TTC17: variants seen among roughly 807,000 people sequenced by gnomAD.
TTC17 encodes the protein tetratricopeptide repeat protein 17.
A neutral mutation model predicts 143.8 loss-of-function variants in TTC17; 58 were observed. The observed-to-expected ratio is 0.40, with a 90% CI of 0.33 to 0.50. TTC17 has a LOEUF of 0.50. Among genes scored for constraint, TTC17 ranks in the 20% least tolerant of loss-of-function variants. TTC17 has a pLI of 0.49. For missense variants in TTC17, 1,273 were observed against 1,392.5 expected (o/e 0.91, Z 1.37); for synonymous variants, 501 against 497.8 (o/e 1.01, Z -0.09).
At chr11:43,435,597 C>T (rs1339856155) in intron 16 of TTC17, among the ~76,000 whole-genome samples, 1 of 152,210 alleles carries the variant, frequency 6.6e-6, no homozygotes, top group African/African-American at 2.4e-5. Flanking sequence ...ATGACCAGAA[C>T]CTGTTTTCCA....
intron 21 of TTC17, among the ~76,000 whole-genome samples, chr11:43,484,922 G>A (rs372040518): frequency 3.9e-5 from 6 of 152,010 alleles, no homozygotes; most frequent in Middle Eastern, 3.4e-3. Context: ...CTGTACATGC[G>A]AGGGATCTAG....
At chr11:43,444,380 A>G (rs1947492411) in intron 18 of TTC17, 171 bp downstream of exon 18, 2 of 552,478 alleles carry the variant, frequency 3.6e-6, no homozygotes, top group Admixed American at 4.2e-5. Flanking sequence ...TTCAAACTCT[A>G]AAACATTATG....
chr11:43,370,330 T>C (rs1856515045), intron 1 of TTC17: 1 of 219,094 alleles, frequency 4.6e-6, no homozygotes. Flanking sequence ...TCTTAGACAA[T>C]CATTTGATTG....
At position 43,451,272 on chromosome 11, in the gene TTC17, C is replaced by T. The variant is rs759681341; in HGVS notation, c.3030+7C>T. The T allele has an allele frequency of 1.9e-6, 3 of 1,612,526 alleles. No homozygotes were observed. The highest frequency in any genetic ancestry group is 8.5e-7 in the Non-Finnish European group (1 of 1,178,654). On this transcript the variant is annotated splice_region_variant and intron_variant, in intron 21 of 23. Coordinates refer to ENST00000039989, the MANE Select transcript of TTC17 (RefSeq NM_018259.6). ...TGCCAAAGTTTTGGAAAAGGTAAGTCACCCCACAGAAAAGCTGGAAACAAT... is the reference window on the plus strand; with the variant it reads ...TGCCAAAGTTTTGGAAAAGGTAAGTTACCCCACAGAAAAGCTGGAAACAAT...
intron 16 of TTC17, among the ~76,000 whole-genome samples, chr11:43,425,592 G>C (rs1947008804): frequency 1.4e-5 from 2 of 148,128 alleles, no homozygotes; most frequent in Admixed American, 6.8e-5. Flanking sequence ...GTAATCATTA[G>C]AAAAGAGCAT....
rs1402675525 is a variant in TTC17 at position 43,445,813 on chromosome 11, CAAAGTATTAAATAGT to C, written c.2665+1605_2665+1619del. On this transcript the variant is annotated intron_variant, in intron 18 of 23. Coordinates refer to ENST00000039989, the MANE Select transcript of TTC17 (RefSeq NM_018259.6). The stretch of plus-strand genomic sequence containing the variant: ...GATGAATCCTAACCAAGTTATAAAG[CAAAGTATTAAATAGT>C]TTGTGAGCCCATGGGGGAAAAATGG... 3 of 636,842 alleles carry C rather than the reference CAAAGTATTAAATAGT, an allele frequency of 4.7e-6. No homozygotes were observed. In the African/African-American group the frequency reaches 5.4e-5, roughly 12 times the overall value. 39.4% of individuals were successfully genotyped at this position (636,842 alleles called of 1,614,324 possible).
chr11:43,364,003 G>A (rs1029194928), intron 1 of TTC17, among the ~76,000 whole-genome samples: 4 of 146,738 alleles, frequency 2.7e-5, no homozygotes, highest in East Asian at 2.0e-4. Flanking sequence ...TTACTTAATC[G>A]TTTTGTCCCC....
chr11:43,372,843 C>T (rs1017749811), intron 1 of TTC17, among the ~76,000 whole-genome samples: 9 of 151,820 alleles, frequency 5.9e-5, no homozygotes, highest in African/African-American at 1.7e-4. Context: ...GGGAGAATAA[C>T]CAAAAACCTG....
intron 18 of TTC17, chr11:43,445,788 G>A: frequency 1.7e-6 from 1 of 598,590 alleles, no homozygotes; most frequent in Non-Finnish European, 3.0e-6. Flanking sequence ...TCAGCTTCAT[G>A]ATGAATCCTA....
chr11:43,368,275 T>C (rs1856427069), intron 1 of TTC17, among the ~76,000 whole-genome samples: 1 of 152,228 alleles, frequency 6.6e-6, no homozygotes, highest in Non-Finnish European at 1.5e-5. Context: ...TCTCAAATCT[T>C]ACGTGCAGTT....
chr11:43,460,129 C>T (rs1947838423), intron 21 of TTC17, among the ~76,000 whole-genome samples: 1 of 151,682 alleles, frequency 6.6e-6, no homozygotes, highest in Non-Finnish European at 1.5e-5. Context: ...AACTTCAGAA[C>T]CTTTTGCTGA....
At chr11:43,421,244 T>C (rs879174706) in intron 16 of TTC17, among the ~76,000 whole-genome samples, 1 of 152,086 alleles carries the variant, frequency 6.6e-6, no homozygotes, top group Non-Finnish European at 1.5e-5. Context: ...CATGCAGATA[T>C]ACAGCATAAA....
rs977599658 is a variant in TTC17, at chr11:43,490,569, C to T, written c.3150+211C>T. On this transcript the variant is annotated intron_variant, in intron 22 of 23. Coordinates refer to ENST00000039989, the MANE Select transcript of TTC17 (RefSeq NM_018259.6). ...CCTTCCCAGCTTCAGCAGGTTGGAA[C>T]GTGGGGAAGGCCTTCCAGATCACTG... is the stretch of plus-strand genomic sequence containing the variant. 1.6e-5 allele frequency: 9 copies of T among 563,610 alleles called. No individual in the cohort carries two copies. In the Admixed American group the frequency reaches 2.3e-4, roughly 14 times the overall value. The allele number at this position is 563,610 out of a possible 1,614,324, so 34.9% of individuals were successfully genotyped here.
chr11:43,404,995 ATG>A, intron 11 of TTC17, among the ~76,000 whole-genome samples: 1 of 152,158 alleles, frequency 6.6e-6, no homozygotes, highest in East Asian at 1.9e-4. Context: ...TACAAAGAAA[ATG>A]TGCCTGTTAC....
chr11:43,462,015 G>A (rs955799964), intron 21 of TTC17, among the ~76,000 whole-genome samples: 23 of 147,942 alleles, frequency 1.6e-4, no homozygotes, highest in African/African-American at 5.0e-5. Flanking sequence ...GTACAATGGC[G>A]AATATAGACC....
rs193196937 is a variant in TTC17 at position 43,364,046 on chromosome 11, T to A, written c.159+4933T>A. On this transcript the variant is annotated intron_variant, in intron 1 of 23. Coordinates refer to ENST00000039989, the MANE Select transcript of TTC17 (RefSeq NM_018259.6). Reference sequence around the variant, plus strand: ...GCCGGTATCTTCGGAGTACAGATCCTCTTTTTTTTTTTTTTTTTTTTTTTT... The same window carrying A: ...GCCGGTATCTTCGGAGTACAGATCCACTTTTTTTTTTTTTTTTTTTTTTTT... Among the ~76,000 whole-genome samples, 1,243 of 139,376 alleles carry A rather than the reference T, an allele frequency of 8.9e-3. 6 individuals carry two copies. Among genetic ancestry groups the A allele is most frequent in the Non-Finnish European group, 0.014 (902 of 64,076 alleles). 91.4% of individuals were successfully genotyped at this position (139,376 alleles called of 152,430 possible).
intron 5 of TTC17, among the ~76,000 whole-genome samples, chr11:43,392,599 A>G (rs1857431688): frequency 6.6e-6 from 1 of 152,186 alleles, no homozygotes; most frequent in Admixed American, 6.5e-5. Context: ...AGCTTTGTAT[A>G]TTGAGAGGAA....
At chr11:43,422,207 CTT>C (rs1426695443) in intron 16 of TTC17, among the ~76,000 whole-genome samples, 1 of 152,112 alleles carries the variant, frequency 6.6e-6, no homozygotes, top group Non-Finnish European at 1.5e-5. Context: ...AAGGGTGACT[CTT>C]AAATTTGGAA....
At chr11:43,359,159 G>T (rs561284892) in intron 1 of TTC17, 46 bp downstream of exon 1, 2 of 1,519,804 alleles carry the variant, frequency 1.3e-6, no homozygotes, top group African/African-American at 2.8e-5. Context: ...CCCTCGCCCC[G>T]GGGGGATTAC....
Sources: gnomAD v4.1 joint callset for allele counts (sites outside exome capture counted in the v4.1 genomes callset) on GRCh38, gnomAD v4.1.1 for gene constraint, MANE v1.5 for transcripts, NCBI Gene and HGNC (gene_info 2026-07-23, HGNC 2026-07-21) for gene names.